CDH13: variants seen among roughly 807,000 people sequenced by gnomAD.
CDH13 encodes the protein cadherin-13.
In CDH13, 24 loss-of-function variants were observed where a neutral mutation model predicts 63.8. That is an observed-to-expected ratio of 0.38 (90% CI 0.27 to 0.53). The LOEUF (loss-of-function observed/expected upper bound fraction) is 0.53, where lower values mean the gene tolerates loss of function less well. Ranked by LOEUF, CDH13 falls within the 20% of genes least tolerant of loss-of-function variation. The pLI is 0.85. For missense variants in CDH13, 1,049 were observed against 903.1 expected (o/e 1.16, Z -2.07); for synonymous variants, 503 against 355.3 (o/e 1.42, Z -4.67).
chr16:83,543,535 G>C (rs201481705), intron 7 of CDH13, among the ~76,000 whole-genome samples: 2 of 152,206 alleles, frequency 1.3e-5, no homozygotes, highest in East Asian at 3.8e-4. Context: ...TCCAGTAAAG[G>C]AGATCTCTTT....
At chr16:83,459,006 A>T (rs1483183933) in intron 6 of CDH13, among the ~76,000 whole-genome samples, 1 of 152,230 alleles carries the variant, frequency 6.6e-6, no homozygotes, top group African/African-American at 2.4e-5. Flanking sequence ...TTTTTATTTA[A>T]CATCTTAACT....
intron 1 of CDH13, among the ~76,000 whole-genome samples, chr16:82,707,797 A>G (rs2031609073): frequency 6.6e-6 from 1 of 152,230 alleles, no homozygotes; most frequent in African/African-American, 2.4e-5. Flanking sequence ...TTGGACTACC[A>G]TCTGTGTGGT....
chr16:83,309,487 C>T (rs111918530), intron 5 of CDH13, among the ~76,000 whole-genome samples: 10,658 of 152,266 alleles, frequency 0.07, 529 homozygotes, highest in Non-Finnish European at 0.11. Context: ...AGCAATTCTC[C>T]TGCCTCAGCC....
At chr16:82,811,290 ACTTTT>A (rs1401812275) in intron 1 of CDH13, among the ~76,000 whole-genome samples, 9 of 152,256 alleles carry the variant, frequency 5.9e-5, no homozygotes, top group African/African-American at 2.2e-4. Flanking sequence ...ACAGATCAGG[ACTTTT>A]CTTCTCAAAA....
intron 4 of CDH13, among the ~76,000 whole-genome samples, chr16:83,138,095 G>T (rs1030970185): frequency 6.6e-6 from 1 of 152,094 alleles, no homozygotes; most frequent in Admixed American, 6.5e-5. Context: ...GTTCCCATCT[G>T]TGAGTGTTGC....
intron 6 of CDH13, among the ~76,000 whole-genome samples, chr16:83,414,794 C>T (rs372076153): frequency 6.6e-6 from 1 of 152,102 alleles, no homozygotes. Flanking sequence ...ATGTATGTGT[C>T]ATATTTATCC....
At chr16:83,271,327 A>G (rs2088801098) in intron 5 of CDH13, among the ~76,000 whole-genome samples, 1 of 146,178 alleles carries the variant, frequency 6.8e-6, no homozygotes, top group Non-Finnish European at 1.5e-5. Context: ...GGCAGATCCC[A>G]GGCTGGACTT....
chr16:82,802,010 G>A (rs2036880002), intron 1 of CDH13, among the ~76,000 whole-genome samples: 1 of 152,174 alleles, frequency 6.6e-6, no homozygotes, highest in African/African-American at 2.4e-5. Context: ...TCCATGGGCG[G>A]GTGGGGCTCA....
At chr16:83,587,602 T>C (rs2150731470) in intron 7 of CDH13, among the ~76,000 whole-genome samples, 1 of 152,290 alleles carries the variant, frequency 6.6e-6, no homozygotes, top group South Asian at 2.1e-4. Context: ...CTGCACTTGA[T>C]TTGGGGAAGA....
intron 10 of CDH13, among the ~76,000 whole-genome samples, chr16:83,693,196 G>A (rs1332196351): frequency 1.3e-5 from 2 of 152,198 alleles, no homozygotes; most frequent in Non-Finnish European, 2.9e-5. Flanking sequence ...GTAACCTTGG[G>A]CAGATTTTTA....
At chr16:82,793,326 G>C (rs1050224504) in intron 1 of CDH13, among the ~76,000 whole-genome samples, 1 of 151,938 alleles carries the variant, frequency 6.6e-6, no homozygotes, top group African/African-American at 2.4e-5. Context: ...TAGCAAAGGG[G>C]AAAAGAAAAG....
chr16:83,105,897 A>G (rs917065083), intron 3 of CDH13, among the ~76,000 whole-genome samples: 1 of 152,214 alleles, frequency 6.6e-6, no homozygotes, highest in Non-Finnish European at 1.5e-5. Context: ...TCCCAGTTAG[A>G]GAAACGACAC....
intron 7 of CDH13, among the ~76,000 whole-genome samples, chr16:83,523,269 G>C (rs544198454): frequency 1.3e-5 from 2 of 152,314 alleles, no homozygotes; most frequent in South Asian, 2.1e-4. Flanking sequence ...GTCCATAATA[G>C]GTGCTCAGCT....
chr16:82,999,974 A>G (rs1325652869), intron 2 of CDH13, among the ~76,000 whole-genome samples: 1 of 152,156 alleles, frequency 6.6e-6, no homozygotes, highest in Non-Finnish European at 1.5e-5. Flanking sequence ...TCTTGTGGGT[A>G]GAATTCAGAG....
chr16:83,355,659 T>A (rs1423337613), intron 6 of CDH13, among the ~76,000 whole-genome samples: 1 of 152,244 alleles, frequency 6.6e-6, no homozygotes, highest in East Asian at 1.9e-4. Flanking sequence ...CCAGGTATGC[T>A]GTTTAATGAG....
intron 2 of CDH13, among the ~76,000 whole-genome samples, chr16:82,892,550 A>T (rs2041116132): frequency 6.6e-6 from 1 of 152,220 alleles, no homozygotes; most frequent in Non-Finnish European, 1.5e-5. Flanking sequence ...CTAGATGTGT[A>T]CTTGGAAGGG....
At chr16:83,644,280 G>A (rs1028681089) in intron 8 of CDH13, among the ~76,000 whole-genome samples, 5 of 152,126 alleles carry the variant, frequency 3.3e-5, no homozygotes, top group African/African-American at 1.2e-4. Flanking sequence ...GATCCATAAT[G>A]CCAAACAATA....
chr16:83,419,185 T>C (rs2071640677), intron 6 of CDH13, among the ~76,000 whole-genome samples: 1 of 151,880 alleles, frequency 6.6e-6, no homozygotes, highest in Non-Finnish European at 1.5e-5. Flanking sequence ...GCTCCATCCC[T>C]ATCGTGCCCC....
At chr16:82,694,012 C>G (rs1461197885) in intron 1 of CDH13, among the ~76,000 whole-genome samples, 1 of 152,192 alleles carries the variant, frequency 6.6e-6, no homozygotes, top group Non-Finnish European at 1.5e-5. Context: ...GAAACAAACT[C>G]TGAACTTCAA....
Sources: allele counts gnomAD v4.1 joint callset (sites outside exome capture counted in the v4.1 genomes callset), GRCh38; gene constraint gnomAD v4.1.1; transcripts MANE v1.5; gene names NCBI Gene and HGNC (gene_info 2026-07-23, HGNC 2026-07-21).